The following CCSER1 variants were observed in gnomAD, a reference collection of about 807,000 sequenced individuals.
The protein encoded by CCSER1 is coiled-coil serine rich protein 1.
In CCSER1, 41 loss-of-function variants were observed where a neutral mutation model predicts 82.0. That is an observed-to-expected ratio of 0.50 (90% CI 0.39 to 0.65). The LOEUF (loss-of-function observed/expected upper bound fraction) is 0.65. Ranked by LOEUF, CCSER1 falls within the 30% of genes least tolerant of loss-of-function variation. The pLI is 0.00. For synonymous variants in CCSER1, 414 were observed against 383.9 expected, an observed-to-expected ratio of 1.08 and a Z score of -0.92; for missense variants, 1,119 against 1,064.2, an observed-to-expected ratio of 1.05 and a Z score of -0.72.
intron 5 of CCSER1, among the ~76,000 whole-genome samples, chr4:90,476,738 C>T (rs1181088673): frequency 6.6e-6 from 1 of 152,140 alleles, no homozygotes; most frequent in African/African-American, 2.4e-5. Context: ...GTTATTTTAT[C>T]TCTCTGCTGT....
intron 10 of CCSER1, among the ~76,000 whole-genome samples, chr4:91,332,810 C>G (rs1747048901): frequency 6.6e-6 from 1 of 151,908 alleles, no homozygotes; most frequent in Admixed American, 6.6e-5. Context: ...AAATCTGAAC[C>G]TACTTTTTAT....
intron 10 of CCSER1, among the ~76,000 whole-genome samples, chr4:91,569,048 C>T (rs566753888): frequency 7.2e-5 from 11 of 152,262 alleles, no homozygotes; most frequent in Admixed American, 3.3e-4. Context: ...CAGGCCAAGG[C>T]TTTATGTAGG....
intron 10 of CCSER1, chr4:91,325,042 C>T: frequency 2.6e-6 from 1 of 381,578 alleles, no homozygotes; most frequent in East Asian, 7.4e-5. Flanking sequence ...ATGCAAAAGG[C>T]CATCGGACCT....
At chr4:91,583,919 T>C (rs1319016684) in intron 10 of CCSER1, among the ~76,000 whole-genome samples, 3 of 151,440 alleles carry the variant, frequency 2.0e-5, no homozygotes, top group African/African-American at 4.8e-5. Flanking sequence ...AGGAGGATTC[T>C]ACAAAATGAT....
At position 90,815,526 on chromosome 4, in the gene CCSER1, A is replaced by ATGTGTGTGTG. The variant is rs113631267; in HGVS notation, c.2011-224_2011-215dup. ...TAAGCAAAAACATATGTGTGTGTGG[A>ATGTGTGTGTG]TGTGTGTGTGTGTGTGTGTGTCTAC... On this transcript the variant is annotated intron_variant, in intron 7 of 10. Transcript: ENST00000509176. Among the ~76,000 whole-genome samples, 664 of 150,694 alleles carry ATGTGTGTGTG rather than the reference A, an allele frequency of 4.4e-3. 5 individuals are homozygous for ATGTGTGTGTG. The highest frequency in any genetic ancestry group is 0.012 in the African/African-American group (483 of 41,118).
chr4:91,466,150 C>G (rs909865120), intron 10 of CCSER1, among the ~76,000 whole-genome samples: 3 of 152,100 alleles, frequency 2.0e-5, no homozygotes, highest in Admixed American at 1.3e-4. Flanking sequence ...AAAAGCTTAT[C>G]CATTATGATC....
chr4:91,284,889 A>C (rs1027563962), intron 10 of CCSER1, among the ~76,000 whole-genome samples: 1 of 152,120 alleles, frequency 6.6e-6, no homozygotes, highest in African/African-American at 2.4e-5. Flanking sequence ...GAATCACTTC[A>C]ACAAAAAATG....
At chr4:90,371,676 A>G (rs1747442205) in intron 3 of CCSER1, among the ~76,000 whole-genome samples, 1 of 152,182 alleles carries the variant, frequency 6.6e-6, no homozygotes, top group African/African-American at 2.4e-5. Context: ...ATTTAGTTCA[A>G]TTTGTTTTTA....
chr4:90,849,511 C>T (rs562192578), intron 8 of CCSER1, among the ~76,000 whole-genome samples: 2 of 151,952 alleles, frequency 1.3e-5, no homozygotes, highest in African/African-American at 4.8e-5. Context: ...AAAACCCGGC[C>T]AGGTGTGGTG....
At chr4:90,960,112 G>A (rs1010709412) in intron 9 of CCSER1, among the ~76,000 whole-genome samples, 1 of 151,998 alleles carries the variant, frequency 6.6e-6, no homozygotes, top group Non-Finnish European at 1.5e-5. Context: ...GAGTTAGAAT[G>A]GAAAGATACC....
At chr4:91,089,997 C>T (rs1723784298) in intron 10 of CCSER1, among the ~76,000 whole-genome samples, 1 of 152,156 alleles carries the variant, frequency 6.6e-6, no homozygotes, top group African/African-American at 2.4e-5. Context: ...ACAGTCAAGA[C>T]TTGACAGGTT....
rs146664401 is a variant in CCSER1 at position 90,972,736 on chromosome 4, G to A, written c.2172+49289G>A. Among the ~76,000 whole-genome samples, 1,322 of 151,716 alleles carry A rather than the reference G, an allele frequency of 8.7e-3. 34 individuals are homozygous for A. Among genetic ancestry groups the A allele is most frequent in the African/African-American group, 0.031 (1,266 of 41,352 alleles). On this transcript the variant is annotated intron_variant, in intron 9 of 10. Transcript: ENST00000509176. Reference sequence around the variant, plus strand: ...ATCTTGAGTAAGAAGAAAGCTGGAGGCATCACAATTCCTGATCTCAAAATA... The same window carrying A: ...ATCTTGAGTAAGAAGAAAGCTGGAGACATCACAATTCCTGATCTCAAAATA...
chr4:90,445,284 TA>T (rs1459975096), intron 4 of CCSER1, among the ~76,000 whole-genome samples: 1 of 152,114 alleles, frequency 6.6e-6, no homozygotes, highest in Non-Finnish European at 1.5e-5. Context: ...TCAAAGAATT[TA>T]AATATTAACC....
At chr4:90,830,123 C>T (rs1429180216) in intron 8 of CCSER1, among the ~76,000 whole-genome samples, 1 of 152,180 alleles carries the variant, frequency 6.6e-6, no homozygotes, top group Non-Finnish European at 1.5e-5. Context: ...CATCACCGGA[C>T]ATTTCTAGTG....
chr4:90,735,434 T>C (rs1219391443), intron 7 of CCSER1, among the ~76,000 whole-genome samples: 1 of 152,178 alleles, frequency 6.6e-6, no homozygotes, highest in Non-Finnish European at 1.5e-5. Flanking sequence ...AATTCAGCAG[T>C]GAAGCCACTG....
chr4:91,416,461 C>T (rs1271553975), intron 10 of CCSER1, among the ~76,000 whole-genome samples: 1 of 152,088 alleles, frequency 6.6e-6, no homozygotes, highest in Admixed American at 6.6e-5. Context: ...AACTATATCA[C>T]AAGGCTATAG....
chr4:90,843,891 TAATAACATTACTTAGTCAC>T (rs1321130277), intron 8 of CCSER1, among the ~76,000 whole-genome samples: 10 of 152,160 alleles, frequency 6.6e-5, no homozygotes, highest in Non-Finnish European at 1.2e-4. Context: ...CTGATGAGCC[TAATAACATTACTTAGTCAC>T]TAGAAGCTTA....
chr4:90,591,119 G>A (rs914700481), intron 5 of CCSER1, among the ~76,000 whole-genome samples: 1 of 152,114 alleles, frequency 6.6e-6, no homozygotes, highest in Non-Finnish European at 1.5e-5. Context: ...TGGTGTATAG[G>A]AATGCTTGTG....
intron 10 of CCSER1, among the ~76,000 whole-genome samples, chr4:91,166,254 A>G (rs1427358570): frequency 6.6e-6 from 1 of 152,210 alleles, no homozygotes; most frequent in South Asian, 2.1e-4. Flanking sequence ...TTAAAAATCT[A>G]AATTTTGTCT....
Sources: gnomAD v4.1 joint callset for allele counts (sites outside exome capture counted in the v4.1 genomes callset) on GRCh38, gnomAD v4.1.1 for gene constraint, MANE v1.5 for transcripts, NCBI Gene and HGNC (gene_info 2026-07-23, HGNC 2026-07-21) for gene names.